Variants in GRIK4 observed in about 807,000 individuals in gnomAD.
GRIK4 encodes the protein glutamate ionotropic receptor kainate type subunit 4.
In GRIK4, 40 loss-of-function variants were observed where a neutral mutation model predicts 104.9. That is an observed-to-expected ratio of 0.38 (90% CI 0.30 to 0.50). The LOEUF (loss-of-function observed/expected upper bound fraction) is 0.50. Among genes scored for constraint, GRIK4 ranks in the 20% least tolerant of loss-of-function variants. GRIK4 has a pLI of 0.93. For synonymous variants in GRIK4, 485 were observed against 524.9 expected (o/e 0.92, Z 1.04); for missense variants, 1,047 against 1,308.1 (o/e 0.80, Z 3.08).
chr11:120,616,149 G>A (rs1443137087), intron 1 of GRIK4, among the ~76,000 whole-genome samples: 1 of 152,086 alleles, frequency 6.6e-6, no homozygotes, highest in Non-Finnish European at 1.5e-5. Flanking sequence ...TTGGGGTGGG[G>A]ATGGGGCAGA....
chr11:120,614,399 A>G (rs915779021), intron 1 of GRIK4, among the ~76,000 whole-genome samples: 2 of 152,210 alleles, frequency 1.3e-5, no homozygotes, highest in African/African-American at 4.8e-5. Context: ...AGGGTCTAGC[A>G]CTTGGGGCCT....
intron 1 of GRIK4, among the ~76,000 whole-genome samples, chr11:120,529,703 G>A (rs949279935): frequency 1.8e-4 from 28 of 152,150 alleles, no homozygotes; most frequent in Non-Finnish European, 5.9e-5. Flanking sequence ...AGCCTCTCTC[G>A]CAACCTGCCT....
chr11:120,946,943 C>T (rs895336211), intron 14 of GRIK4, among the ~76,000 whole-genome samples: 1 of 152,156 alleles, frequency 6.6e-6, no homozygotes, highest in South Asian at 2.1e-4. Context: ...CTAGAACACC[C>T]GAGACTCCCT....
chr11:120,691,297 A>C (rs189388267), intron 3 of GRIK4, among the ~76,000 whole-genome samples: 5 of 152,268 alleles, frequency 3.3e-5, no homozygotes, highest in Admixed American at 3.3e-4. Flanking sequence ...AGAAGCTCAG[A>C]AGTTAAGGTT....
At chr11:120,556,889 G>A (rs1267662471) in intron 1 of GRIK4, among the ~76,000 whole-genome samples, 1 of 152,050 alleles carries the variant, frequency 6.6e-6, no homozygotes, top group Admixed American at 6.6e-5. Flanking sequence ...CTCCTCATTA[G>A]TCAGTCTCCT....
intron 8 of GRIK4, among the ~76,000 whole-genome samples, chr11:120,847,192 T>A (rs1379628112): frequency 6.6e-6 from 1 of 152,186 alleles, no homozygotes; most frequent in African/African-American, 2.4e-5. Flanking sequence ...GAAAGTGACT[T>A]GGCCAGGCTC....
chr11:120,747,656 G>A (rs541273226), intron 3 of GRIK4, among the ~76,000 whole-genome samples: 20 of 152,310 alleles, frequency 1.3e-4, no homozygotes, highest in Non-Finnish European at 2.4e-4. Context: ...TCTATGCGCC[G>A]TTCCCATTTG....
At chr11:120,668,788 T>A (rs1347496255) in intron 3 of GRIK4, among the ~76,000 whole-genome samples, 2 of 152,216 alleles carry the variant, frequency 1.3e-5, no homozygotes, top group Non-Finnish European at 2.9e-5. Context: ...AGCTCCACCC[T>A]TTACTAGTGT....
chr11:120,750,443 T>C (rs1951530381), intron 3 of GRIK4, among the ~76,000 whole-genome samples: 2 of 147,074 alleles, frequency 1.4e-5, no homozygotes, highest in Admixed American at 7.0e-5. Context: ...CTGAGGTCAC[T>C]GCAGCCTCCG....
intron 2 of GRIK4, among the ~76,000 whole-genome samples, chr11:120,656,027 C>G (rs976516205): frequency 1.3e-5 from 2 of 152,152 alleles, no homozygotes; most frequent in Non-Finnish European, 2.9e-5. Context: ...GGAGAAACCC[C>G]CCATGGAGGG....
intron 13 of GRIK4, among the ~76,000 whole-genome samples, chr11:120,929,005 GTATGTGTGTGTGCGCACA>G (rs1943420606): frequency 7.2e-6 from 1 of 138,612 alleles, no homozygotes; most frequent in Admixed American, 7.2e-5. Flanking sequence ...GTGCACGCGT[GTATGTGTGTGTGCGCACA>G]TGTGTGTGTG....
chr11:120,889,023 A>G (rs986390427), intron 11 of GRIK4, among the ~76,000 whole-genome samples: 2 of 152,074 alleles, frequency 1.3e-5, no homozygotes, highest in African/African-American at 4.8e-5. Context: ...AATTTTCAGC[A>G]TTATTCTGCA....
intron 3 of GRIK4, among the ~76,000 whole-genome samples, chr11:120,679,740 C>T (rs1950160552): frequency 6.6e-6 from 1 of 152,206 alleles, no homozygotes; most frequent in Non-Finnish European, 1.5e-5. Flanking sequence ...TCTCATGCCT[C>T]CCATCCTCAC....
intron 4 of GRIK4, among the ~76,000 whole-genome samples, chr11:120,807,431 GCA>G (rs1199862395): frequency 1.3e-5 from 2 of 152,116 alleles, no homozygotes; most frequent in Non-Finnish European, 2.9e-5. Flanking sequence ...TCAGCTGTCC[GCA>G]CAGTTTCCCC....
At chr11:120,780,664 A>G (rs1019283937) in intron 3 of GRIK4, among the ~76,000 whole-genome samples, 2 of 152,192 alleles carry the variant, frequency 1.3e-5, no homozygotes, top group African/African-American at 2.4e-5. Flanking sequence ...TTGCTACATC[A>G]TATGGTAATT....
chr11:120,641,915 T>C (rs1457178421), intron 1 of GRIK4, among the ~76,000 whole-genome samples: 1 of 152,226 alleles, frequency 6.6e-6, no homozygotes, highest in Non-Finnish European at 1.5e-5. Context: ...CTTTGGCTGA[T>C]TCCAACATTG....
intron 3 of GRIK4, among the ~76,000 whole-genome samples, chr11:120,737,819 T>C (rs1218560604): frequency 6.6e-6 from 1 of 152,168 alleles, no homozygotes; most frequent in African/African-American, 2.4e-5. Context: ...TTGGCAAATT[T>C]CTATATCTTA....
chr11:120,702,763 T>C (rs990403022), intron 3 of GRIK4, among the ~76,000 whole-genome samples: 2 of 152,246 alleles, frequency 1.3e-5, no homozygotes, highest in Non-Finnish European at 2.9e-5. Flanking sequence ...TGTTTCACTT[T>C]GTTTTTAATG....
At chr11:120,649,709 C>G (rs7124091) in intron 1 of GRIK4, among the ~76,000 whole-genome samples, 14,311 of 152,242 alleles carry the variant, frequency 0.094, 1,613 homozygotes, top group African/African-American at 0.27. Flanking sequence ...CACCCTCACT[C>G]AAACACAGAC....
Sources: allele counts gnomAD v4.1 joint callset (sites outside exome capture counted in the v4.1 genomes callset), GRCh38; gene constraint gnomAD v4.1.1; transcripts MANE v1.5; gene names NCBI Gene and HGNC (gene_info 2026-07-23, HGNC 2026-07-21).